Variants in PRKAR1A observed in about 807,000 individuals in gnomAD.
PRKAR1A encodes the protein protein kinase cAMP-dependent type I regulatory subunit alpha.
A neutral mutation model predicts 52.0 loss-of-function variants in PRKAR1A; 3 were observed. That is an observed-to-expected ratio of 0.06 (90% CI 0.03 to 0.15). The LOEUF (loss-of-function observed/expected upper bound fraction) is 0.15. Ranked by LOEUF, PRKAR1A falls within the 10% of genes least tolerant of loss-of-function variation. The pLI, the probability that PRKAR1A is intolerant of heterozygous loss-of-function variation, is 1.00. For missense variants in PRKAR1A, 240 were observed against 477.4 expected, an observed-to-expected ratio of 0.50 and a Z score of 4.63; for synonymous variants, 188 against 168.4, an observed-to-expected ratio of 1.12 and a Z score of -0.90.
chr17:68,493,200 G>A, the PRKAR1A span, among the ~76,000 whole-genome samples: 1 of 152,066 alleles, frequency 6.6e-6, no homozygotes, highest in African/African-American at 2.4e-5. Context: ...TTGATACCCA[G>A]GCAATGGGTT....
the PRKAR1A span, among the ~76,000 whole-genome samples, chr17:68,436,039 A>T: frequency 6.6e-6 from 1 of 152,350 alleles, no homozygotes; most frequent in South Asian, 2.1e-4. Context: ...CCGCTCAGGG[A>T]TGCCTCAGAG....
chr17:68,451,421 A>G, the PRKAR1A span, among the ~76,000 whole-genome samples: 2 of 152,228 alleles, frequency 1.3e-5, no homozygotes, highest in Admixed American at 1.3e-4. Context: ...GCGACAAGCA[A>G]GACTCCGTCT....
At chr17:68,514,301 A>G (rs8079916) in intron 1 of PRKAR1A, among the ~76,000 whole-genome samples, 26,391 of 152,176 alleles carry the variant, frequency 0.17, 2,808 homozygotes, top group East Asian at 0.45. Flanking sequence ...TTTCATCTCA[A>G]TAGTTTACAA....
At chr17:68,522,981 A>G in intron 3 of PRKAR1A, 55 bp downstream of exon 3, 2 of 1,596,564 alleles carry the variant, frequency 1.3e-6, no homozygotes, top group Non-Finnish European at 1.7e-6. Flanking sequence ...CTTGGTGGTC[A>G]TCTAGTCTCC....
intron 11 of PRKAR1A, chr17:68,543,856 C>G: frequency 1.3e-6 from 1 of 779,546 alleles, no homozygotes; most frequent in South Asian, 1.4e-5. Context: ...GATGGCACGG[C>G]AAGTCAGGAA....
At chr17:68,508,186 A>G (rs2085221311), upstream of PRKAR1A, among the ~76,000 whole-genome samples, 1 of 152,180 alleles carries the variant, frequency 6.6e-6, no homozygotes, top group Admixed American at 6.5e-5. Flanking sequence ...TGGACTGTAT[A>G]TACCCAAAGA....
At chr17:68,436,407 A>G in the PRKAR1A span, 1 of 1,613,650 alleles carries the variant, frequency 6.2e-7, no homozygotes, top group Non-Finnish European at 8.5e-7. Context: ...ATAAAGCACA[A>G]TCTCCCCTGA....
At chr17:68,425,370 A>AT in the PRKAR1A span, among the ~76,000 whole-genome samples, 1 of 136,296 alleles carries the variant, frequency 7.3e-6, no homozygotes, top group African/African-American at 2.9e-5. Context: ...CACCCGGCTA[A>AT]TTTTTTCTTT....
chr17:68,514,869 T>G (rs528081599), intron 1 of PRKAR1A: 1 of 155,528 alleles, frequency 6.4e-6, no homozygotes, highest in Admixed American at 6.3e-5. Context: ...AGTAGTTGGC[T>G]AATCAGATCC....
the PRKAR1A span, among the ~76,000 whole-genome samples, chr17:68,486,461 CTT>C: frequency 6.9e-6 from 1 of 144,826 alleles, no homozygotes; most frequent in African/African-American, 2.6e-5. Context: ...CTCTTTCTTT[CTT>C]TCTTTCTCTC....
intron 2 of PRKAR1A, among the ~76,000 whole-genome samples, chr17:68,516,672 A>G (rs934013102): frequency 2.0e-5 from 3 of 151,872 alleles, no homozygotes; most frequent in Non-Finnish European, 4.4e-5. Flanking sequence ...GGTATTTTCT[A>G]TTTTCTTTAA....
chr17:68,540,328 A>T (rs2086229989), intron 11 of PRKAR1A, among the ~76,000 whole-genome samples: 1 of 152,216 alleles, frequency 6.6e-6, no homozygotes, highest in South Asian at 2.1e-4. Context: ...TCCTGGTTAT[A>T]GTAAACAGAC....
chr17:68,518,376 T>TC (rs1381007069), intron 2 of PRKAR1A, among the ~76,000 whole-genome samples: 4 of 152,244 alleles, frequency 2.6e-5, no homozygotes, highest in Non-Finnish European at 5.9e-5. Flanking sequence ...TGTCTGGGCA[T>TC]CCAGGCATTT....
Position 68,532,004 on chromosome 17 carries a change from C to T in PRKAR1A, c.*1555C>T, listed in dbSNP as rs373990629. ...CCTTTCCCAGGTAATTTAAATTGGTCATGGTAGATTTTTTTCATAGATTTG... is the reference window on the plus strand; with the variant it reads ...CCTTTCCCAGGTAATTTAAATTGGTTATGGTAGATTTTTTTCATAGATTTG... On this transcript the variant is annotated 3_prime_UTR_variant, in exon 11 of 11. Transcript: ENST00000589228. 1 of 1,065,354 alleles carries T rather than the reference C, an allele frequency of 9.4e-7. No homozygotes were observed. The highest frequency in any genetic ancestry group is 1.6e-5 in the African/African-American group (1 of 61,116). 66.0% of individuals were successfully genotyped at this position (1,065,354 alleles called of 1,614,324 possible). A position where few individuals can be genotyped will look rare whatever the true frequency, so the allele number is the denominator to read the frequency against.
At chr17:68,491,825 G>T in the PRKAR1A span, among the ~76,000 whole-genome samples, 1 of 152,086 alleles carries the variant, frequency 6.6e-6, no homozygotes, top group South Asian at 2.1e-4. Context: ...GATCCTTAAA[G>T]GGCCAGAAGA....
the PRKAR1A span, among the ~76,000 whole-genome samples, chr17:68,460,709 TA>T: frequency 1.3e-5 from 2 of 152,240 alleles, no homozygotes; most frequent in African/African-American, 2.4e-5. Context: ...TAGGTAAATT[TA>T]AAAAATGATG....
the PRKAR1A span, among the ~76,000 whole-genome samples, chr17:68,506,679 TCA>T: frequency 1.3e-5 from 2 of 152,086 alleles, no homozygotes. Flanking sequence ...AGACGGGGTT[TCA>T]CCATATTGGC....
chr17:68,536,970 T>C (rs1196227115), downstream of PRKAR1A: 1 of 454,382 alleles, frequency 2.2e-6, no homozygotes, highest in South Asian at 1.6e-5. Flanking sequence ...GAGTAGAAAG[T>C]GTGAGGTCTA....
the PRKAR1A span, among the ~76,000 whole-genome samples, chr17:68,469,959 G>C: frequency 6.6e-6 from 1 of 152,010 alleles, no homozygotes; most frequent in Non-Finnish European, 1.5e-5. Flanking sequence ...TATAATAGAA[G>C]ACAGCTGAAT....
Sources: allele counts gnomAD v4.1 joint callset (sites outside exome capture counted in the v4.1 genomes callset), GRCh38; gene constraint gnomAD v4.1.1; transcripts MANE v1.5; gene names NCBI Gene and HGNC (gene_info 2026-07-23, HGNC 2026-07-21).